FHIP1A: variants seen among roughly 807,000 people sequenced by gnomAD.
FHIP1A encodes FHF complex subunit HOOK interacting protein 1A.
In FHIP1A, 61 loss-of-function variants were observed where a neutral mutation model predicts 88.6. That is an observed-to-expected ratio of 0.69 (90% confidence interval 0.56 to 0.85). The LOEUF (loss-of-function observed/expected upper bound fraction) is 0.85. FHIP1A is among the 40% of genes least tolerant of loss of function. The pLI is 0.00. For missense variants in FHIP1A, 1,154 were observed against 1,273.5 expected (o/e 0.91, Z 1.43); for synonymous variants, 478 against 496.0 (o/e 0.96, Z 0.48).
chr4:151,529,111 A>T (rs1328631956), intron 3 of FHIP1A, among the ~76,000 whole-genome samples: 1 of 152,200 alleles, frequency 6.6e-6, no homozygotes, highest in Middle Eastern at 3.4e-3. Flanking sequence ...CTGCCTCCTC[A>T]TGGCCTCTTT....
intron 1 of FHIP1A, among the ~76,000 whole-genome samples, chr4:151,445,613 TC>T (rs1728569832): frequency 6.6e-6 from 1 of 151,804 alleles, no homozygotes; most frequent in African/African-American, 2.4e-5. Context: ...ATAAAAGACA[TC>T]CCTCTTATCC....
Position 151,480,233 on chromosome 4 carries a change from C to T in FHIP1A, c.-247-2291C>T, listed in dbSNP as rs537904908. Among the ~76,000 whole-genome samples, 3 of 152,132 alleles carry T rather than the reference C, an allele frequency of 2.0e-5. No individual in the cohort carries two copies. In the East Asian group the frequency reaches 5.8e-4, roughly 29 times the overall value. On this transcript the variant is annotated intron_variant, in intron 2 of 13. Coordinates refer to ENST00000435205, the MANE Select transcript of FHIP1A (RefSeq NM_001109977.3). ...CATGAAGCGTTGCTGCTGGCGGGAT[C>T]ATGATGGTAAAATATAAGAGTGGTT...
chr4:151,649,746 A>G lies in FHIP1A; in HGVS notation c.1705A>G (p.Arg569Gly). 6.4e-7 allele frequency: 1 copy of G among 1,551,688 alleles called. No individual in the cohort carries two copies. The highest frequency in any genetic ancestry group is 1.4e-5 in the African/African-American group (1 of 73,170). Residue 569 changes from arginine to glycine, a missense_variant, in exon 11 of 14, where the codon AGA (arginine) becomes GGA (glycine). By Grantham distance (125) the Arg-to-Gly change is moderately radical. Coordinates refer to ENST00000435205, the MANE Select transcript of FHIP1A (RefSeq NM_001109977.3). ...GAAGACAGGACCTCAGCTGGCTCCC[A>G]GAAAGGACAAGAGCCAGACAGAGCT... ...PRKTGPQLAP[R>G]KDKSQTELEW...
intron 7 of FHIP1A, among the ~76,000 whole-genome samples, chr4:151,609,001 A>G (rs1187582446): frequency 6.6e-6 from 1 of 152,144 alleles, no homozygotes; most frequent in Non-Finnish European, 1.5e-5. Flanking sequence ...GGTACCTCCC[A>G]TTGTTCAGGA....
chr4:151,668,187 T>C lies in FHIP1A; in HGVS notation c.*5433T>C, dbSNP rs554563931. Among the ~76,000 whole-genome samples, 4 of 152,312 alleles carry C rather than the reference T, an allele frequency of 2.6e-5. No individual in the cohort carries two copies. Among genetic ancestry groups the C allele is most frequent in the African/African-American group, 9.6e-5 (4 of 41,580 alleles). Reference sequence around the variant, plus strand: ...ATGAATATGTTTGTCTAAAACCTGCTGAAGAGGCATGGCAGCCACTTCCAT... The same window carrying C: ...ATGAATATGTTTGTCTAAAACCTGCCGAAGAGGCATGGCAGCCACTTCCAT... On this transcript the variant is annotated 3_prime_UTR_variant, in exon 14 of 14. Transcript: ENST00000435205.
At chr4:151,508,540 C>A (rs916643223) in intron 3 of FHIP1A, among the ~76,000 whole-genome samples, 1 of 152,172 alleles carries the variant, frequency 6.6e-6, no homozygotes, top group Non-Finnish European at 1.5e-5. Flanking sequence ...AACAGGCTGC[C>A]TTCTTCTCGC....
chr4:151,626,992 G>A (rs987584396), intron 7 of FHIP1A, among the ~76,000 whole-genome samples: 2 of 152,170 alleles, frequency 1.3e-5, no homozygotes, highest in African/African-American at 4.8e-5. Flanking sequence ...GGAAGTTTCT[G>A]AAAGTAAGAT....
intron 3 of FHIP1A, among the ~76,000 whole-genome samples, chr4:151,503,185 A>T (rs993771355): frequency 6.6e-6 from 1 of 152,148 alleles, no homozygotes; most frequent in African/African-American, 2.4e-5. Context: ...TACCTTATGG[A>T]TACTGCTTTG....
chr4:151,626,122 A>G (rs1454026318), intron 7 of FHIP1A, among the ~76,000 whole-genome samples: 2 of 152,194 alleles, frequency 1.3e-5, no homozygotes, highest in Non-Finnish European at 2.9e-5. Context: ...CATTATGTAT[A>G]TTTTCAACAA....
intron 11 of FHIP1A, among the ~76,000 whole-genome samples, chr4:151,654,854 C>T (rs1330021906): frequency 6.6e-6 from 1 of 152,162 alleles, no homozygotes; most frequent in Admixed American, 6.5e-5. Flanking sequence ...ACCTCTGCCT[C>T]CCGTCCCAAG....
intron 8 of FHIP1A, among the ~76,000 whole-genome samples, chr4:151,637,122 A>T (rs1336255614): frequency 6.6e-6 from 1 of 152,164 alleles, no homozygotes; most frequent in African/African-American, 2.4e-5. Flanking sequence ...TGTGCAAAAT[A>T]ATAAGGCTGA....
In FHIP1A at chr4:151,629,776, A is replaced by G. The variant is rs1182960681; in HGVS notation, c.1053A>G (p.Leu351=). 6.4e-7 allele frequency: 1 copy of G among 1,551,430 alleles called. No individual in the cohort carries two copies. Among genetic ancestry groups the G allele is most frequent in the Non-Finnish European group, 8.7e-7 (1 of 1,146,778 alleles). The stretch of plus-strand genomic sequence containing the variant: ...TGCGTAGCATCTCCGAGCCAGCACT[A>G]CTTGAGATCTTCCTCCGTTTTATCC... ...LFLRSISEPA[L]LEIFLRFILL... The change falls in exon 8 of 14, where the codon CTA becomes CTG. Residue 351 remains leucine (L), a synonymous_variant. Transcript: ENST00000435205.
At chr4:151,470,888 T>A (rs1217397769) in intron 2 of FHIP1A, among the ~76,000 whole-genome samples, 2 of 152,196 alleles carry the variant, frequency 1.3e-5, no homozygotes, top group African/African-American at 4.8e-5. Flanking sequence ...GTGGCCGTAT[T>A]GTATTTTTGC....
chr4:151,497,153 A>G (rs966125979), intron 3 of FHIP1A, among the ~76,000 whole-genome samples: 1 of 152,180 alleles, frequency 6.6e-6, no homozygotes, highest in Non-Finnish European at 1.5e-5. Context: ...TTCTAATGTA[A>G]AAACATACTT....
chr4:151,440,900 G>C (rs936734084), intron 1 of FHIP1A, among the ~76,000 whole-genome samples: 2 of 152,126 alleles, frequency 1.3e-5, no homozygotes, highest in Non-Finnish European at 2.9e-5. Context: ...CCCCTTGTCA[G>C]TTATCTGCTC....
At chr4:151,440,938 G>C (rs1388602132) in intron 1 of FHIP1A, among the ~76,000 whole-genome samples, 1 of 151,996 alleles carries the variant, frequency 6.6e-6, no homozygotes, top group Non-Finnish European at 1.5e-5. Context: ...TAGTGTCGCC[G>C]AATGCAGTCC....
intron 5 of FHIP1A, among the ~76,000 whole-genome samples, chr4:151,580,833 A>C (rs1255964857): frequency 6.6e-6 from 1 of 152,194 alleles, no homozygotes; most frequent in African/African-American, 2.4e-5. Flanking sequence ...AAATCAAAAA[A>C]CATGTTGAAT....
chr4:151,438,275 G>T (rs1256554241), intron 1 of FHIP1A, among the ~76,000 whole-genome samples: 2 of 152,070 alleles, frequency 1.3e-5, no homozygotes, highest in South Asian at 2.1e-4. Flanking sequence ...TTCCTTGGTA[G>T]GTTCTTAGAT....
chr4:151,659,492 G>A (rs745421361), intron 13 of FHIP1A, among the ~76,000 whole-genome samples: 14 of 152,182 alleles, frequency 9.2e-5, no homozygotes, highest in Non-Finnish European at 1.8e-4. Context: ...TCTGCCCTTT[G>A]CCTAATGCTG....
Sources: allele counts gnomAD v4.1 joint callset (sites outside exome capture counted in the v4.1 genomes callset), GRCh38; gene constraint gnomAD v4.1.1; transcripts MANE v1.5; gene names NCBI Gene and HGNC (gene_info 2026-07-23, HGNC 2026-07-21).